RBM6: variants seen among roughly 807,000 people sequenced by gnomAD.
RBM6 encodes the protein RNA binding motif protein 6, also known as RNA-binding protein 6.
In RBM6, 23 loss-of-function variants were observed where a neutral mutation model predicts 140.4. That is an observed-to-expected ratio of 0.16 (90% CI 0.12 to 0.23). The LOEUF is 0.23. RBM6 is among the 10% of genes least tolerant of loss of function. RBM6 has a pLI of 1.00. For synonymous variants in RBM6, 439 were observed against 475.6 expected (o/e 0.92, Z 1.00); for missense variants, 1,139 against 1,386.7 (o/e 0.82, Z 2.84).
chr3:50,068,801 C>T (rs1400586410), intron 18 of RBM6, 37 bp downstream of exon 18: 4 of 1,574,220 alleles, frequency 2.5e-6, no homozygotes, highest in Non-Finnish European at 3.5e-6. Flanking sequence ...TTGACCTCAG[C>T]TCTTTTTGCT....
At position 50,029,570 on chromosome 3, in the gene RBM6, T is replaced by TA. The variant is rs551630176; in HGVS notation, c.1558-18670dup. Among the ~76,000 whole-genome samples, 15 of 151,838 alleles carry TA rather than the reference T, an allele frequency of 9.9e-5. No homozygotes were observed. The South Asian group carries it at 2.9e-3, about 30-fold the overall frequency. Reference sequence around the variant, plus strand: ...CAATATGGCGAAACCCCGTCTCTACTAAAAATACAAAAATTAGCTGGGCGT... The same window carrying TA: ...CAATATGGCGAAACCCCGTCTCTACTAAAAAATACAAAAATTAGCTGGGCGT... On this transcript the variant is annotated intron_variant, in intron 6 of 20. Coordinates refer to ENST00000266022, the MANE Select transcript of RBM6 (RefSeq NM_005777.3).
rs369402120 is a variant in RBM6, at chr3:49,971,473, T to A, written c.1324-586T>A. Among the ~76,000 whole-genome samples the A allele has an allele frequency of 5.3e-5, 8 of 151,622 alleles. No homozygotes were observed. The East Asian group carries it at 1.2e-3, about 22-fold the overall frequency. On this transcript the variant is annotated intron_variant, in intron 3 of 20. Transcript: ENST00000266022. The stretch of plus-strand genomic sequence containing the variant: ...AAAAAAAAGACATTATCTAGTCATC[T>A]TCTCTCACCAGAGGTATGAAGTACT...
At chr3:50,059,854 G>GGACTGCT in intron 11 of RBM6, 108 bp downstream of exon 11, 1 of 810,126 alleles carries the variant, frequency 1.2e-6, no homozygotes, top group East Asian at 2.7e-5. Context: ...TTCCTAACAT[G>GGACTGCT]GACTGCTTCA....
chr3:50,022,061 A>G (rs1166989720), intron 6 of RBM6, among the ~76,000 whole-genome samples: 2 of 151,660 alleles, frequency 1.3e-5, no homozygotes, highest in Non-Finnish European at 2.9e-5. Context: ...CTCAAAAAGG[A>G]AAAAAAAGAA....
chr3:50,071,896 C>T (rs1188262411), intron 19 of RBM6, among the ~76,000 whole-genome samples: 1 of 150,268 alleles, frequency 6.7e-6, no homozygotes, highest in Non-Finnish European at 1.5e-5. Flanking sequence ...CCAGCCTGGC[C>T]AAGATGGTGA....
At chr3:49,946,661 G>C (rs2083499650) in intron 1 of RBM6, among the ~76,000 whole-genome samples, 1 of 151,698 alleles carries the variant, frequency 6.6e-6, no homozygotes, top group Non-Finnish European at 1.5e-5. Context: ...TCAGCCTCCC[G>C]GGTAGCTGGG....
intron 6 of RBM6, among the ~76,000 whole-genome samples, chr3:50,040,462 AAAAAAAAAAATATAT>A (rs1456211519): frequency 1.4e-4 from 7 of 50,626 alleles, no homozygotes; most frequent in East Asian, 1.3e-3. Flanking sequence ...AAAAAAAAAA[AAAAAAAAAAATATAT>A]ATATATATAT....
chr3:50,032,497 AAAAG>A (rs1381287139), intron 6 of RBM6, among the ~76,000 whole-genome samples: 2 of 151,516 alleles, frequency 1.3e-5, no homozygotes, highest in African/African-American at 2.4e-5. Context: ...AAAAAAAAAA[AAAAG>A]CAGGGATTTG....
At chr3:49,963,636 A>G (rs1196438154) in intron 2 of RBM6, among the ~76,000 whole-genome samples, 2 of 152,196 alleles carry the variant, frequency 1.3e-5, no homozygotes, top group Admixed American at 1.3e-4. Context: ...TACCAAGAAG[A>G]GTGGAGAAAG....
intron 6 of RBM6, among the ~76,000 whole-genome samples, chr3:50,031,716 A>G (rs1303558390): frequency 1.3e-5 from 2 of 152,190 alleles, no homozygotes; most frequent in African/African-American, 4.8e-5. Context: ...TGTACCCTAG[A>G]ACTTAAAGTA....
chr3:49,955,152 T>C (rs957518595), intron 1 of RBM6, among the ~76,000 whole-genome samples: 14 of 121,694 alleles, frequency 1.2e-4, no homozygotes, highest in African/African-American at 1.6e-4. Flanking sequence ...TAGTATTTTT[T>C]TTTCTTTCTT....
chr3:50,055,380 A>G (rs2089659920), intron 8 of RBM6, among the ~76,000 whole-genome samples: 1 of 152,164 alleles, frequency 6.6e-6, no homozygotes, highest in Non-Finnish European at 1.5e-5. Context: ...CAGTGAGCTG[A>G]GATCTCGCCA....
chr3:49,955,560 A>C (rs1261142768), intron 1 of RBM6, among the ~76,000 whole-genome samples: 1 of 151,920 alleles, frequency 6.6e-6, no homozygotes, highest in Non-Finnish European at 1.5e-5. Flanking sequence ...AATGTATCCT[A>C]GGCTGGGCGC....
At chr3:50,005,853 G>T (rs1256934421) in intron 6 of RBM6, among the ~76,000 whole-genome samples, 1 of 152,164 alleles carries the variant, frequency 6.6e-6, no homozygotes, top group Non-Finnish European at 1.5e-5. Flanking sequence ...ACCCTCAGAA[G>T]GGTAGTAGTA....
chr3:49,992,232 G>A (rs1373053666), intron 5 of RBM6, among the ~76,000 whole-genome samples: 5 of 152,100 alleles, frequency 3.3e-5, no homozygotes, highest in African/African-American at 9.7e-5. Context: ...GATTACGGGC[G>A]TGAGCCACTG....
intron 1 of RBM6, among the ~76,000 whole-genome samples, chr3:49,953,291 C>T (rs925737850): frequency 1.3e-5 from 2 of 151,194 alleles, no homozygotes; most frequent in Non-Finnish European, 2.9e-5. Flanking sequence ...GCGATCTTGG[C>T]TCACTGCAAA....
At chr3:49,985,930 G>A (rs980417192) in intron 5 of RBM6, among the ~76,000 whole-genome samples, 1 of 151,984 alleles carries the variant, frequency 6.6e-6, no homozygotes, top group Non-Finnish European at 1.5e-5. Context: ...ATTGTTCTTA[G>A]TCTCAGTTGA....
intron 6 of RBM6, among the ~76,000 whole-genome samples, chr3:50,037,020 G>A (rs1181118840): frequency 1.3e-5 from 2 of 151,862 alleles, no homozygotes; most frequent in African/African-American, 4.8e-5. Context: ...TCTTGACCTC[G>A]TGATCCATCC....
chr3:49,966,679 C>G (rs1254663369), intron 2 of RBM6, among the ~76,000 whole-genome samples: 1 of 152,220 alleles, frequency 6.6e-6, no homozygotes, highest in Non-Finnish European at 1.5e-5. Context: ...AATGCTCTCT[C>G]TAGGTCTATC....
Sources: allele counts gnomAD v4.1 joint callset (sites outside exome capture counted in the v4.1 genomes callset), GRCh38; gene constraint gnomAD v4.1.1; transcripts MANE v1.5; gene names NCBI Gene and HGNC (gene_info 2026-07-23, HGNC 2026-07-21).